HS6ST3: variants seen among roughly 807,000 people sequenced by gnomAD.
The protein encoded by HS6ST3 is heparan-sulfate 6-O-sulfotransferase 3.
HS6ST3 carries 12 observed loss-of-function variants against 36.7 expected under a neutral mutation model. That is an observed-to-expected ratio of 0.33 (90% CI 0.21 to 0.53). HS6ST3 has a LOEUF of 0.53. Ranked by LOEUF, HS6ST3 falls within the 20% of genes least tolerant of loss-of-function variation. HS6ST3 has a pLI of 0.95. For synonymous variants in HS6ST3, 240 were observed against 257.5 expected, an observed-to-expected ratio of 0.93 and a Z score of 0.65; for missense variants, 584 against 640.9, an observed-to-expected ratio of 0.91 and a Z score of 0.96.
intron 1 of HS6ST3, among the ~76,000 whole-genome samples, chr13:96,831,208 T>C (rs890171004): frequency 2.0e-5 from 3 of 152,232 alleles, no homozygotes; most frequent in African/African-American, 7.2e-5. Flanking sequence ...TGTCCTGATC[T>C]CTATGTGATT....
intron 1 of HS6ST3, among the ~76,000 whole-genome samples, chr13:96,384,151 C>T (rs1472039812): frequency 1.3e-5 from 2 of 152,038 alleles, no homozygotes; most frequent in African/African-American, 4.8e-5. Context: ...TCTGACGGAG[C>T]CATGGGTGGG....
chr13:96,733,743 C>A (rs1274848364), intron 1 of HS6ST3, among the ~76,000 whole-genome samples: 3 of 152,162 alleles, frequency 2.0e-5, no homozygotes, highest in South Asian at 2.1e-4. Flanking sequence ...AAACTCTTGG[C>A]ATACCGTGAG....
chr13:96,804,939 T>C (rs1462621421), intron 1 of HS6ST3, among the ~76,000 whole-genome samples: 1 of 152,220 alleles, frequency 6.6e-6, no homozygotes, highest in African/African-American at 2.4e-5. Context: ...TATTTATGTA[T>C]TAATAACTCA....
chr13:96,696,713 T>A (rs942412863), intron 1 of HS6ST3, among the ~76,000 whole-genome samples: 1 of 152,114 alleles, frequency 6.6e-6, no homozygotes, highest in African/African-American at 2.4e-5. Flanking sequence ...AGCAAAAACA[T>A]GGAAAATTTT....
chr13:96,347,395 A>G (rs973694035), intron 1 of HS6ST3, among the ~76,000 whole-genome samples: 1 of 152,086 alleles, frequency 6.6e-6, no homozygotes, highest in African/African-American at 2.4e-5. Context: ...CTCTTTTAAG[A>G]CCCAGGCTTG....
chr13:96,832,762 T>C lies in HS6ST3; in HGVS notation c.980T>C (p.Phe327Ser). 1 of 1,614,120 alleles carries C rather than the reference T, an allele frequency of 6.2e-7. No individual in the cohort carries two copies. Among genetic ancestry groups the C allele is most frequent in the African/African-American group, 1.3e-5 (1 of 75,024 alleles). ...LSLVGCYNLT[F>S]MNESERNTIL... ...CTGGTGGGCTGCTATAACTTGACTT[T>C]CATGAACGAGAGTGAAAGAAACACC... Residue 327 changes from phenylalanine to serine, a missense_variant, in exon 2 of 2, where the codon TTC (phenylalanine) becomes TCC (serine). By Grantham distance (155) the Phe-to-Ser change is radical. This residue lies in a region of HS6ST3 where 360 missense variants were observed against 411.3 expected (regional missense o/e 0.88). Coordinates refer to ENST00000376705, the MANE Select transcript of HS6ST3 (RefSeq NM_153456.4).
chr13:96,153,757 T>G (rs2054098092), intron 1 of HS6ST3, among the ~76,000 whole-genome samples: 1 of 152,264 alleles, frequency 6.6e-6, no homozygotes, highest in African/African-American at 2.4e-5. Context: ...TTTAAAAATG[T>G]AATCAGTGAT....
intron 1 of HS6ST3, among the ~76,000 whole-genome samples, chr13:96,189,877 A>G (rs151211637): frequency 1.4e-3 from 213 of 152,334 alleles, no homozygotes; most frequent in African/African-American, 4.2e-3. Flanking sequence ...GTTGAAACCA[A>G]TCACACGGCC....
intron 1 of HS6ST3, among the ~76,000 whole-genome samples, chr13:96,747,405 T>A (rs552629004): frequency 6.6e-6 from 1 of 152,292 alleles, no homozygotes; most frequent in East Asian, 1.9e-4. Context: ...AAAGACCATG[T>A]GTTTTAAAAT....
intron 1 of HS6ST3, among the ~76,000 whole-genome samples, chr13:96,805,663 T>C (rs898383197): frequency 1.3e-5 from 2 of 152,186 alleles, no homozygotes; most frequent in Non-Finnish European, 2.9e-5. Context: ...ATTATTTCCA[T>C]CTTTCAAGTA....
At chr13:96,358,532 T>C (rs1240402334) in intron 1 of HS6ST3, among the ~76,000 whole-genome samples, 1 of 151,852 alleles carries the variant, frequency 6.6e-6, no homozygotes, top group African/African-American at 2.4e-5. Flanking sequence ...AAAAAATTAA[T>C]GTCATAAAAC....
At chr13:96,196,383 C>G (rs905879648) in intron 1 of HS6ST3, among the ~76,000 whole-genome samples, 2 of 152,086 alleles carry the variant, frequency 1.3e-5, no homozygotes, top group African/African-American at 4.8e-5. Context: ...CTAAGTGTCT[C>G]CCCCGAGAAT....
intron 1 of HS6ST3, among the ~76,000 whole-genome samples, chr13:96,500,512 G>A (rs1417960237): frequency 6.6e-6 from 1 of 152,134 alleles, no homozygotes; most frequent in African/African-American, 2.4e-5. Context: ...GGAGCCAAAG[G>A]TATACGTGGG....
chr13:96,492,733 A>T (rs1398709810), intron 1 of HS6ST3, among the ~76,000 whole-genome samples: 1 of 152,198 alleles, frequency 6.6e-6, no homozygotes, highest in Non-Finnish European at 1.5e-5. Context: ...CTTCTTATAT[A>T]TTAACAGGAA....
At chr13:96,393,975 A>G (rs1000660779) in intron 1 of HS6ST3, among the ~76,000 whole-genome samples, 1 of 152,206 alleles carries the variant, frequency 6.6e-6, no homozygotes, top group Non-Finnish European at 1.5e-5. Context: ...TTCAATAATG[A>G]AAGTAATTTT....
intron 1 of HS6ST3, among the ~76,000 whole-genome samples, chr13:96,490,348 T>C (rs529242701): frequency 6.6e-6 from 1 of 152,224 alleles, no homozygotes; most frequent in East Asian, 1.9e-4. Flanking sequence ...ATGTGCACAC[T>C]AACCTAAATG....
rs377430841 is a variant in HS6ST3, at chr13:96,564,958, G to A, written c.708-267532G>A. 1.1e-4 allele frequency among the ~76,000 whole-genome samples: 16 copies of A among 152,132 alleles called. No homozygotes were observed. The East Asian group carries it at 1.9e-3, about 18-fold the overall frequency. On this transcript the variant is annotated intron_variant, in intron 1 of 1. Coordinates refer to ENST00000376705, the MANE Select transcript of HS6ST3 (RefSeq NM_153456.4). Reference sequence around the variant, plus strand: ...AGAAATTAGAAGTGCTATGGCAGGTGGAATGCTAGAGGAACAAGATCAGAG... The same window carrying A: ...AGAAATTAGAAGTGCTATGGCAGGTAGAATGCTAGAGGAACAAGATCAGAG...
intron 1 of HS6ST3, among the ~76,000 whole-genome samples, chr13:96,210,849 C>T (rs1372775441): frequency 8.6e-5 from 13 of 151,968 alleles, no homozygotes. Context: ...CTGCTTCGGC[C>T]TCCCAAAGTG....
chr13:96,518,846 A>G (rs1465693391), intron 1 of HS6ST3, among the ~76,000 whole-genome samples: 2 of 152,200 alleles, frequency 1.3e-5, no homozygotes, highest in Non-Finnish European at 2.9e-5. Context: ...CCTTCATTCA[A>G]AGTCATTTTG....
Sources: gnomAD v4.1 joint callset for allele counts (sites outside exome capture counted in the v4.1 genomes callset) on GRCh38, gnomAD v4.1.1 for gene constraint, gnomAD v4.1.1 regional missense constraint, MANE v1.5 for transcripts, NCBI Gene and HGNC (gene_info 2026-07-23, HGNC 2026-07-21) for gene names.